Variants in ZNF544 observed in about 807,000 individuals in gnomAD.
ZNF544 encodes the protein zinc finger protein 544.
In ZNF544, 10 loss-of-function variants were observed where a neutral mutation model predicts 13.5. That is an observed-to-expected ratio of 0.74 (90% CI 0.46 to 1.25). The LOEUF (loss-of-function observed/expected upper bound fraction) is 1.25. Ranked by LOEUF, ZNF544 falls within the 50% of genes most tolerant of loss-of-function variation. The pLI, the probability that ZNF544 is intolerant of heterozygous loss-of-function variation, is 0.00. For synonymous variants in ZNF544, 323 were observed against 300.5 expected (o/e 1.07, Z -0.77); for missense variants, 896 against 845.6 (o/e 1.06, Z -0.74).
At chr19:58,277,204 A>G in exon 7 of ZNF544, 2 of 1,231,556 alleles carry the variant, frequency 1.6e-6, no homozygotes, top group Non-Finnish European at 2.0e-6. Context: ...AGCAAAAAGC[A>G]GAGACGGTAC....
intron 3 of ZNF544, among the ~76,000 whole-genome samples, chr19:58,241,052 A>G (rs1218943097): frequency 7.6e-6 from 1 of 131,236 alleles, no homozygotes; most frequent in Non-Finnish European, 1.7e-5. Flanking sequence ...ACTCACTGCA[A>G]TCTCAACCTC....
In ZNF544 at chr19:58,262,550, G is replaced by A; in HGVS notation, c.1944G>A (p.Val648=). ...CCTTTGCAAGGAGCTCCTACCTTGT[G>A]ATGCATCAGAGAACTCACACTGGTG... The part of the protein sequence containing the change: ...NKAFARSSYL[V]MHQRTHTGEK... The change falls in exon 7 of 7, where the codon GTG becomes GTA. Residue 648 remains valine, a synonymous_variant. Transcript: ENST00000687789. 1 of 1,614,118 alleles carries A rather than the reference G, an allele frequency of 6.2e-7. No individual in the cohort carries two copies. Among genetic ancestry groups the A allele is most frequent in the Non-Finnish European group, 8.5e-7 (1 of 1,180,002 alleles).
chr19:58,242,404 C>A, intron 3 of ZNF544: 1 of 435,520 alleles, frequency 2.3e-6, no homozygotes, highest in Non-Finnish European at 3.0e-6. Flanking sequence ...TTTTTTTTGT[C>A]TGAGACTATG....
downstream of ZNF544, among the ~76,000 whole-genome samples, chr19:58,264,934 T>TG (rs917958349): frequency 3.0e-4 from 46 of 150,914 alleles, no homozygotes; most frequent in African/African-American, 1.0e-3. Flanking sequence ...AGCCTGGGGG[T>TG]GGGGGGGATG....
At chr19:58,235,506 A>G (rs1296834991) in intron 3 of ZNF544, among the ~76,000 whole-genome samples, 3 of 152,166 alleles carry the variant, frequency 2.0e-5, no homozygotes, top group Admixed American at 1.3e-4. Flanking sequence ...TACATCTTTG[A>G]CTTTTTATGC....
Position 58,262,469 on chromosome 19 carries a change from G to T in ZNF544, c.1863G>T (p.Arg621Ser), listed in dbSNP as rs1470028177. 1.9e-6 allele frequency: 3 copies of T among 1,614,022 alleles called. No individual in the cohort carries two copies. The highest frequency in any genetic ancestry group is 2.5e-6 in the Non-Finnish European group (3 of 1,180,020). ...KAFNRSTQLI[R>S]HLQIHTGEKP... ...TCAATCGAAGCACTCAGCTCATCAG[G>T]CATCTGCAAATTCACACTGGGGAGA... The change falls in exon 7 of 7, where the codon AGG (arginine) becomes AGT (serine). Residue 621 changes from arginine (R) to serine (S), a missense_variant. Physicochemically the swap from Arg to Ser is moderately radical, Grantham distance 110. Transcript: ENST00000687789.
intron 6 of ZNF544, chr19:58,257,260 C>T (rs530334267): frequency 6.6e-6 from 1 of 152,232 alleles, no homozygotes; most frequent in South Asian, 2.1e-4. Flanking sequence ...ACGAAACACA[C>T]AAAGCAACAA....
intron 6 of ZNF544, among the ~76,000 whole-genome samples, chr19:58,254,900 T>G (rs1247672630): frequency 6.6e-6 from 1 of 151,838 alleles, no homozygotes. Context: ...GAGTTTTTCT[T>G]TTTTTGAGAT....
intron 5 of ZNF544, among the ~76,000 whole-genome samples, chr19:58,269,114 G>A (rs772408607): frequency 6.6e-6 from 1 of 152,154 alleles, no homozygotes; most frequent in African/African-American, 2.4e-5. Context: ...CCCATGCATC[G>A]TGGAAAACTG....
intron 3 of ZNF544, among the ~76,000 whole-genome samples, chr19:58,236,797 A>G (rs1266101418): frequency 6.7e-6 from 1 of 150,234 alleles, no homozygotes; most frequent in Admixed American, 6.7e-5. Context: ...GCTGGAGTGC[A>G]GTGGCGGGAT....
intron 6 of ZNF544, among the ~76,000 whole-genome samples, chr19:58,255,285 C>T (rs1022360019): frequency 1.2e-4 from 19 of 152,104 alleles, no homozygotes; most frequent in Admixed American, 1.2e-3. Context: ...AAGCAGTTCT[C>T]CTGCCTCAGC....
Position 58,260,928 on chromosome 19 carries a change from G to T in ZNF544, c.322G>T (p.Glu108Ter). ...TAGGGAAGAACTATCCCACCACGTG[G>T]AAGTGTACAGGAGTGGACCGGAGGA... ...RAREELSHHV[E>*]VYRSGPEEPP... Residue 108 changes from glutamate (E) to a stop codon, truncating the protein, a stop_gained, in exon 7 of 7, where the codon GAA (glutamate) becomes TAA (stop). Coordinates refer to ENST00000687789, the MANE Select transcript of ZNF544 (RefSeq NM_014480.4). LOFTEE classifies it low-confidence loss of function (END_TRUNC). 1 of 1,614,152 alleles carries T rather than the reference G, an allele frequency of 6.2e-7. No individual in the cohort carries two copies. The highest frequency in any genetic ancestry group is 2.2e-5 in the East Asian group (1 of 44,882).
chr19:58,231,574 T>C (rs1276674107), intron 3 of ZNF544, among the ~76,000 whole-genome samples: 1 of 152,188 alleles, frequency 6.6e-6, no homozygotes, highest in African/African-American at 2.4e-5. Flanking sequence ...CTTTATTATT[T>C]ATTTTTTTAT....
chr19:58,274,609 T>C (rs995336514), intron 5 of ZNF544, among the ~76,000 whole-genome samples: 1 of 152,204 alleles, frequency 6.6e-6, no homozygotes, highest in African/African-American at 2.4e-5. Context: ...ACCCCATTTG[T>C]GGTATGTTGT....
intron 5 of ZNF544, among the ~76,000 whole-genome samples, chr19:58,276,145 C>A (rs1200406261): frequency 1.3e-5 from 2 of 152,020 alleles, no homozygotes; most frequent in Non-Finnish European, 2.9e-5. Context: ...GCACTGCATT[C>A]CAGCTTGGAC....
intron 6 of ZNF544, among the ~76,000 whole-genome samples, chr19:58,249,977 T>C (rs1284606552): frequency 1.3e-5 from 2 of 152,168 alleles, no homozygotes; most frequent in African/African-American, 4.8e-5. Context: ...GTGAGTTGGA[T>C]GGTTCATTTG....
chr19:58,237,077 T>C (rs1315162379), intron 3 of ZNF544, among the ~76,000 whole-genome samples: 1 of 150,670 alleles, frequency 6.6e-6, no homozygotes, highest in Non-Finnish European at 1.5e-5. Context: ...TTTTTTTTTT[T>C]TTCCCCACAT....
At chr19:58,255,321 C>T (rs143880334) in intron 6 of ZNF544, among the ~76,000 whole-genome samples, 4 of 152,262 alleles carry the variant, frequency 2.6e-5, no homozygotes, top group East Asian at 3.9e-4. Context: ...GGATTACAGG[C>T]GTGTGCCACC....
exon 7 of ZNF544, chr19:58,277,375 A>G: frequency 1.5e-6 from 1 of 682,400 alleles, no homozygotes. Flanking sequence ...GGGCCATGTC[A>G]TGGTTGATCT....
Sources: allele counts gnomAD v4.1 joint callset (sites outside exome capture counted in the v4.1 genomes callset), GRCh38; gene constraint gnomAD v4.1.1; transcripts MANE v1.5; gene names NCBI Gene and HGNC (gene_info 2026-07-23, HGNC 2026-07-21).